MRPL4: variants seen among roughly 807,000 people sequenced by gnomAD.
MRPL4 encodes the protein large ribosomal subunit protein uL4m.
MRPL4 carries 34 observed loss-of-function variants against 34.1 expected under a neutral mutation model. That is an observed-to-expected ratio of 1.00 (90% CI 0.76 to 1.33). The LOEUF (loss-of-function observed/expected upper bound fraction) is 1.33. Ranked by LOEUF, MRPL4 falls within the 40% of genes most tolerant of loss-of-function variation. MRPL4 has a pLI of 0.00. For synonymous variants in MRPL4, 196 were observed against 188.3 expected (o/e 1.04, Z -0.33); for missense variants, 402 against 434.6 (o/e 0.92, Z 0.67).
Position 10,259,695 on chromosome 19 carries a change from T to C in MRPL4, c.818T>C (p.Leu273Pro). Residue 273 changes from leucine (L) to proline (P), a missense_variant, in exon 9 of 9, where the codon CTG (leucine) becomes CCG (proline). Coordinates refer to ENST00000253099, the MANE Select transcript of MRPL4 (RefSeq NM_015956.3). ...LPTVAFLEDKLLWQDSRYRPL... is the reference protein window; with the variant it reads ...LPTVAFLEDKPLWQDSRYRPL... ...ACCGTCGCCTTCCTGGAGGACAAGCTGCTCTGGCAGGACTCACGTTACAGA... is the reference window on the plus strand; with the variant it reads ...ACCGTCGCCTTCCTGGAGGACAAGCCGCTCTGGCAGGACTCACGTTACAGA... 6.2e-7 allele frequency: 1 copy of C among 1,612,496 alleles called. No homozygotes were observed. Among genetic ancestry groups the C allele is most frequent in the South Asian group, 1.1e-5 (1 of 91,054 alleles).
At chr19:10,252,092 G>C (rs1599248761), upstream of MRPL4, 3 of 815,726 alleles carry the variant, frequency 3.7e-6, no homozygotes, top group Non-Finnish European at 3.7e-6. Context: ...TGGAGGTCTG[G>C]GCACGCCGGG....
In MRPL4 at chr19:10,259,878, C is replaced by T; in HGVS notation, c.*65C>T. The T allele has an allele frequency of 2.1e-6, 3 of 1,422,294 alleles. No homozygotes were observed. The highest frequency in any genetic ancestry group is 2.9e-6 in the Non-Finnish European group (3 of 1,040,868). 88.1% of individuals were successfully genotyped at this position (1,422,294 alleles called of 1,614,324 possible). ...GACTTGGGAGCCTCAGGCCCACGCC[C>T]ACCCTTCGAGGAAGGTGTCACCTGG... On this transcript the variant is annotated 3_prime_UTR_variant, in exon 9 of 9. Coordinates refer to ENST00000253099, the MANE Select transcript of MRPL4 (RefSeq NM_015956.3).
intron 4 of MRPL4, chr19:10,254,855 A>C (rs2039833872): frequency 2.5e-6 from 1 of 397,344 alleles, no homozygotes; most frequent in South Asian, 3.3e-5. Context: ...CCCAGGCTGG[A>C]GTGCAGTGGC....
At chr19:10,254,024 CT>C (rs926214738) in intron 3 of MRPL4, among the ~76,000 whole-genome samples, 1 of 150,960 alleles carries the variant, frequency 6.6e-6, no homozygotes, top group African/African-American at 2.4e-5. Flanking sequence ...GAAGGGGTGG[CT>C]TTTTTTTTCT....
chr19:10,256,854 A>AGGGGGGG, intron 5 of MRPL4, 29 bp downstream of exon 5: 1 of 38,598 alleles, frequency 2.6e-5, no homozygotes, highest in South Asian at 4.0e-4. Context: ...GGGGGCGGGG[A>AGGGGGGG]GGGGTGGGGG....
At chr19:10,254,477 G>A (rs962723225) in intron 3 of MRPL4, 112 bp from the exon 4 acceptor site, 113 of 1,256,770 alleles carry the variant, frequency 9.0e-5, no homozygotes, top group Middle Eastern at 5.1e-4. Context: ...GAGGGGCAGA[G>A]GCAAATCGCC....
chr19:10,253,513 A>G (rs913676586), intron 3 of MRPL4, among the ~76,000 whole-genome samples: 4 of 148,450 alleles, frequency 2.7e-5, no homozygotes, highest in Admixed American at 6.8e-5. Context: ...TGTAGGGGCC[A>G]GTTACTGTGG....
Position 10,259,751 on chromosome 19 carries a change from G to A in MRPL4, c.874G>A (p.Asp292Asn), listed in dbSNP as rs139494066. The change falls in exon 9 of 9, where the codon GAC becomes AAC. Residue 292 changes from aspartate (D) to asparagine (N), a missense_variant. By Grantham distance (23) the Asp-to-Asn change is conservative. Transcript: ENST00000253099. ...CTACCCCTTCAGCCTGCCCTACAGC[G>A]ACTTCCCCCGACCCCTACCCCACGC... ...PLYPFSLPYS[D>N]FPRPLPHATQ... 1.1e-5 allele frequency: 18 copies of A among 1,613,906 alleles called. No homozygotes were observed. Among genetic ancestry groups the A allele is most frequent in the African/African-American group, 4.0e-5 (3 of 74,964 alleles).
At chr19:10,257,914 A>G (rs1028557168) in intron 5 of MRPL4, among the ~76,000 whole-genome samples, 3 of 151,956 alleles carry the variant, frequency 2.0e-5, no homozygotes, top group African/African-American at 7.3e-5. Flanking sequence ...TGGTGCAATC[A>G]TAGCTCACTG....
chr19:10,253,643 T>A (rs1024932072), intron 3 of MRPL4, among the ~76,000 whole-genome samples: 8 of 151,700 alleles, frequency 5.3e-5, no homozygotes, highest in African/African-American at 1.2e-4. Context: ...ATACAAAAAT[T>A]AGCCGGACGT....
chr19:10,252,509 C>G (rs767218262), intron 2 of MRPL4, 42 bp from the exon 3 acceptor site: 1 of 1,613,730 alleles, frequency 6.2e-7, no homozygotes, highest in African/African-American at 1.3e-5. Flanking sequence ...ACAGAGAGGT[C>G]TGACCCTTGA....
At chr19:10,259,249 A>T in intron 8 of MRPL4, 1 of 1,333,148 alleles carries the variant, frequency 7.5e-7, no homozygotes, top group Non-Finnish European at 9.5e-7. Flanking sequence ...CACCTCTCTC[A>T]GGATGAAAGC....
chr19:10,256,849 C>CGGGGGCG, intron 5 of MRPL4, 24 bp downstream of exon 5: 1 of 22,272 alleles, frequency 4.5e-5, no homozygotes, highest in Non-Finnish European at 8.5e-5. Context: ...GTGGAGGGGG[C>CGGGGGCG]GGGGAGGGGT....
intron 8 of MRPL4, chr19:10,258,977 G>A (rs1720427564): frequency 4.3e-6 from 6 of 1,410,400 alleles, no homozygotes; most frequent in East Asian, 5.0e-5. Context: ...ATGTGCACCT[G>A]TAGTCCCAGC....
rs935992302 is a variant in MRPL4, at chr19:10,259,731, C to G, written c.854C>G (p.Pro285Arg). 5.0e-6 allele frequency: 8 copies of G among 1,614,100 alleles called. No individual in the cohort carries two copies. Among genetic ancestry groups the G allele is most frequent in the Non-Finnish European group, 5.9e-6 (7 of 1,179,990 alleles). ...WQDSRYRPLY[P>R]FSLPYSDFPR... ...GACTCACGTTACAGACCCCTCTACC[C>G]CTTCAGCCTGCCCTACAGCGACTTC... The change falls in exon 9 of 9, where the codon CCC (proline) becomes CGC (arginine). Residue 285 changes from proline (P) to arginine (R), a missense_variant. By Grantham distance (103) the Pro-to-Arg change is moderately radical. Transcript: ENST00000253099.
intron 4 of MRPL4, chr19:10,254,982 T>G (rs545380685): frequency 6.1e-6 from 1 of 163,928 alleles, no homozygotes; most frequent in East Asian, 1.7e-4. Flanking sequence ...TTTTGTATTT[T>G]TAGTAGAGAT....
chr19:10,259,532 CA>C, intron 8 of MRPL4, 84 bp from the exon 9 acceptor site: 1 of 1,533,106 alleles, frequency 6.5e-7, no homozygotes, highest in Non-Finnish European at 8.8e-7. Flanking sequence ...TCTGTAAGCA[CA>C]AAGGGACTCC....
intron 3 of MRPL4, among the ~76,000 whole-genome samples, chr19:10,253,853 C>T (rs1436334309): frequency 2.0e-5 from 3 of 151,756 alleles, no homozygotes; most frequent in African/African-American, 2.4e-5. Flanking sequence ...AAAACTATGT[C>T]GAAATCACAT....
At chr19:10,252,123 G>T, upstream of MRPL4, 1 of 1,212,598 alleles carries the variant, frequency 8.2e-7, no homozygotes, top group South Asian at 1.6e-5. Flanking sequence ...TCCATCTTCG[G>T]TTTTGCACAC....
Sources: allele counts gnomAD v4.1 joint callset (sites outside exome capture counted in the v4.1 genomes callset), GRCh38; gene constraint gnomAD v4.1.1; transcripts MANE v1.5; gene names NCBI Gene and HGNC (gene_info 2026-07-23, HGNC 2026-07-21).